Variants in SH3PXD2A observed in about 807,000 individuals in gnomAD.
SH3PXD2A encodes SH3 and PX domains 2A.
In SH3PXD2A, 32 loss-of-function variants were observed where a neutral mutation model predicts 115.2. That is an observed-to-expected ratio of 0.28 (90% confidence interval 0.21 to 0.37). The LOEUF (loss-of-function observed/expected upper bound fraction) is 0.37, where lower values mean the gene tolerates loss of function less well. Ranked by LOEUF, SH3PXD2A falls within the 10% of genes least tolerant of loss-of-function variation. The probability of loss-of-function intolerance (pLI) is 1.00; values close to 1 mark genes in which losing one functional copy is unlikely to be tolerated. For synonymous variants in SH3PXD2A, 610 were observed against 629.1 expected, an observed-to-expected ratio of 0.97 and a Z score of 0.45; for missense variants, 1,328 against 1,498.7, an observed-to-expected ratio of 0.89 and a Z score of 1.88.
chr10:103,661,494 G>T, intron 7 of SH3PXD2A: 2 of 238,502 alleles, frequency 8.4e-6, no homozygotes, highest in Non-Finnish European at 1.4e-5. Flanking sequence ...GGGCCGACGG[G>T]GTCTCTCCGG....
intron 1 of SH3PXD2A, among the ~76,000 whole-genome samples, chr10:103,811,656 A>G (rs906518179): frequency 1.3e-5 from 2 of 152,162 alleles, no homozygotes; most frequent in African/African-American, 4.8e-5. Flanking sequence ...CTGCCACAAG[A>G]TTTGCCTTGG....
chr10:103,699,524 C>T (rs931273178), intron 5 of SH3PXD2A, among the ~76,000 whole-genome samples: 3 of 152,226 alleles, frequency 2.0e-5, no homozygotes, highest in African/African-American at 7.2e-5. Flanking sequence ...TGAGATGGAG[C>T]ATGTTCTTCC....
At chr10:103,617,161 G>A (rs371017665) in intron 11 of SH3PXD2A, 36 bp downstream of exon 11, 14 of 1,450,776 alleles carry the variant, frequency 9.7e-6, no homozygotes, top group Non-Finnish European at 1.4e-5. Flanking sequence ...CCAGGTGGGC[G>A]AGAGGCATCT....
At chr10:103,833,269 A>G (rs1044236705) in intron 1 of SH3PXD2A, among the ~76,000 whole-genome samples, 1 of 152,228 alleles carries the variant, frequency 6.6e-6, no homozygotes, top group Admixed American at 6.5e-5. Flanking sequence ...AAGTGATTCC[A>G]TAGGTATGAG....
chr10:103,718,976 C>T (rs1409326489), intron 5 of SH3PXD2A, among the ~76,000 whole-genome samples: 1 of 152,198 alleles, frequency 6.6e-6, no homozygotes, highest in Non-Finnish European at 1.5e-5. Flanking sequence ...AAAGAGAACC[C>T]AGAGAGCTTG....
intron 2 of SH3PXD2A, among the ~76,000 whole-genome samples, chr10:103,796,664 G>A (rs916248991): frequency 6.6e-6 from 1 of 152,082 alleles, no homozygotes; most frequent in Non-Finnish European, 1.5e-5. Flanking sequence ...CCTCAGCACA[G>A]GCCCATCCAC....
chr10:103,846,697 G>T (rs1842851409), intron 1 of SH3PXD2A, among the ~76,000 whole-genome samples: 1 of 152,242 alleles, frequency 6.6e-6, no homozygotes, highest in Non-Finnish European at 1.5e-5. Flanking sequence ...GGCAAATGTA[G>T]TTCTAGAAGG....
At chr10:103,842,190 G>T (rs2039607510) in intron 1 of SH3PXD2A, among the ~76,000 whole-genome samples, 1 of 103,832 alleles carries the variant, frequency 9.6e-6, no homozygotes. Flanking sequence ...CCCTCACCTG[G>T]CTTTAGTTTT....
At chr10:103,761,782 G>A (rs988753783) in intron 3 of SH3PXD2A, among the ~76,000 whole-genome samples, 3 of 152,140 alleles carry the variant, frequency 2.0e-5, no homozygotes, top group East Asian at 1.9e-4. Context: ...AAGAAGGGAG[G>A]GACAAAGACA....
At position 103,610,935 on chromosome 10, in the gene SH3PXD2A, G is replaced by A. The variant is rs76788789; in HGVS notation, c.1308+646C>T. On this transcript the variant is annotated intron_variant, in intron 13 of 14. Transcript: ENST00000369774. ...CACTCTTTCCACTACATCCCACTGC[G>A]CTTACTAACAGTTCTTTGTTCCAAG... Among the ~76,000 whole-genome samples, 284 of 152,294 alleles carry A rather than the reference G, an allele frequency of 1.9e-3. 8 individuals are homozygous for A. The East Asian group carries it at 0.048, about 26-fold the overall frequency.
chr10:103,630,794 G>C (rs1449745670), intron 8 of SH3PXD2A, among the ~76,000 whole-genome samples: 1 of 149,350 alleles, frequency 6.7e-6, no homozygotes, highest in Non-Finnish European at 1.5e-5. Flanking sequence ...GATGGAAAGT[G>C]ACTCAGTCCT....
At chr10:103,791,573 C>T (rs1037856022) in intron 2 of SH3PXD2A, among the ~76,000 whole-genome samples, 9 of 152,226 alleles carry the variant, frequency 5.9e-5, no homozygotes, top group Non-Finnish European at 1.0e-4. Context: ...TTCTCAGGGC[C>T]TGAGCTCAGC....
intron 3 of SH3PXD2A, among the ~76,000 whole-genome samples, chr10:103,743,296 CTGTT>C (rs2038464208): frequency 6.6e-6 from 1 of 152,134 alleles, no homozygotes; most frequent in Admixed American, 6.5e-5. Flanking sequence ...CATTCTAAGT[CTGTT>C]TGATTTCAGA....
intron 1 of SH3PXD2A, among the ~76,000 whole-genome samples, chr10:103,833,045 C>T (rs11191819): frequency 0.29 from 43,496 of 152,084 alleles, 7,456 homozygotes; most frequent in East Asian, 0.62. Context: ...CAACACTTAG[C>T]ATTATTAGGC....
intron 10 of SH3PXD2A, among the ~76,000 whole-genome samples, chr10:103,621,767 C>T (rs1331918464): frequency 1.3e-5 from 2 of 152,130 alleles, no homozygotes; most frequent in African/African-American, 2.4e-5. Flanking sequence ...AGATCCTGGG[C>T]GAGAAAGCTC....
chr10:103,641,979 G>A (rs1008411249), intron 8 of SH3PXD2A, among the ~76,000 whole-genome samples: 3 of 152,126 alleles, frequency 2.0e-5, no homozygotes, highest in Non-Finnish European at 4.4e-5. Context: ...ATATACAGAT[G>A]TGCCTTGACT....
intron 3 of SH3PXD2A, among the ~76,000 whole-genome samples, chr10:103,752,779 A>G (rs958549034): frequency 3.0e-4 from 45 of 152,290 alleles, no homozygotes; most frequent in African/African-American, 1.1e-3. Flanking sequence ...AGGAAATAAT[A>G]TCTGTGATGA....
At chr10:103,668,801 C>T in intron 6 of SH3PXD2A, 149 bp from the exon 7 acceptor site, 1 of 724,920 alleles carries the variant, frequency 1.4e-6, no homozygotes, top group Non-Finnish European at 2.5e-6. Context: ...AGAGTGATTT[C>T]CTGGCCCTGG....
At chr10:103,832,009 C>T (rs2039486678) in intron 1 of SH3PXD2A, among the ~76,000 whole-genome samples, 1 of 152,124 alleles carries the variant, frequency 6.6e-6, no homozygotes, top group African/African-American at 2.4e-5. Context: ...ATTTTTATGG[C>T]AGAATTATAT....
Sources: gnomAD v4.1 joint callset for allele counts (sites outside exome capture counted in the v4.1 genomes callset) on GRCh38, gnomAD v4.1.1 for gene constraint, MANE v1.5 for transcripts, NCBI Gene and HGNC (gene_info 2026-07-23, HGNC 2026-07-21) for gene names.